ST7: variants seen among roughly 807,000 people sequenced by gnomAD.
ST7 encodes suppressor of tumorigenicity 7 protein.
In ST7, 28 loss-of-function variants were observed where a neutral mutation model predicts 78.7. The observed-to-expected ratio is 0.36, with a 90% CI of 0.26 to 0.49. The LOEUF (loss-of-function observed/expected upper bound fraction) is 0.49. Among genes scored for constraint, ST7 ranks in the 20% least tolerant of loss-of-function variants. The probability of loss-of-function intolerance (pLI) is 0.99; values close to 1 mark genes in which losing one functional copy is unlikely to be tolerated. For missense variants in ST7, 418 were observed against 696.0 expected (o/e 0.60, Z 4.49); for synonymous variants, 247 against 249.6 (o/e 0.99, Z 0.10).
chr7:117,002,711 A>C (rs1020483718), intron 1 of ST7, among the ~76,000 whole-genome samples: 1 of 151,194 alleles, frequency 6.6e-6, no homozygotes, highest in East Asian at 1.9e-4. Flanking sequence ...ACTATGAACC[A>C]CTGAATGAAG....
chr7:117,174,842 C>T (rs1044632161), intron 10 of ST7, among the ~76,000 whole-genome samples: 2 of 152,176 alleles, frequency 1.3e-5, no homozygotes, highest in African/African-American at 4.8e-5. Flanking sequence ...ACTTACAAGA[C>T]CACATTCTTA....
intron 1 of ST7, among the ~76,000 whole-genome samples, chr7:116,956,077 G>A (rs1792461608): frequency 6.6e-6 from 1 of 152,164 alleles, no homozygotes; most frequent in Admixed American, 6.5e-5. Context: ...CATTAATTTT[G>A]AGACATGAAA....
intron 1 of ST7, among the ~76,000 whole-genome samples, chr7:116,960,080 C>T (rs1042594360): frequency 2.0e-5 from 3 of 152,198 alleles, no homozygotes; most frequent in African/African-American, 4.8e-5. Flanking sequence ...GTATTACCTT[C>T]ATTTACAAAG....
intron 1 of ST7, among the ~76,000 whole-genome samples, chr7:117,050,877 C>T (rs1797752674): frequency 6.6e-6 from 1 of 151,018 alleles, no homozygotes; most frequent in South Asian, 2.1e-4. Flanking sequence ...TTGCAGTGAG[C>T]CGAGATCGAG....
At chr7:117,039,090 C>CT (rs1797069674) in intron 1 of ST7, among the ~76,000 whole-genome samples, 1 of 151,880 alleles carries the variant, frequency 6.6e-6, no homozygotes, top group Admixed American at 6.6e-5. Flanking sequence ...CTTAGGTTTT[C>CT]TTTTTTTGCA....
chr7:117,007,976 G>A (rs775666551), intron 1 of ST7, among the ~76,000 whole-genome samples: 3 of 152,162 alleles, frequency 2.0e-5, no homozygotes, highest in Admixed American at 6.5e-5. Flanking sequence ...TGTTAAAACT[G>A]TAAGAATCTG....
At chr7:117,048,601 C>G (rs1797609537) in intron 1 of ST7, among the ~76,000 whole-genome samples, 1 of 152,088 alleles carries the variant, frequency 6.6e-6, no homozygotes, top group Non-Finnish European at 1.5e-5. Context: ...CCCACCCCAC[C>G]CCACCTGCTC....
At chr7:117,118,705 G>C (rs1301432750) in intron 2 of ST7, among the ~76,000 whole-genome samples, 1 of 152,142 alleles carries the variant, frequency 6.6e-6, no homozygotes, top group South Asian at 2.1e-4. Flanking sequence ...AAAAGATGTG[G>C]GGGAGAACCG....
chr7:117,055,046 T>C (rs945099140), intron 1 of ST7, among the ~76,000 whole-genome samples: 2 of 152,182 alleles, frequency 1.3e-5, no homozygotes, highest in Non-Finnish European at 2.9e-5. Flanking sequence ...ATCAGAATTA[T>C]GTATAATAGT....
In ST7 at chr7:117,192,626, C is replaced by T. The variant is rs149546936; in HGVS notation, c.1254+1690C>T. Among the ~76,000 whole-genome samples the T allele has an allele frequency of 2.2e-3, 334 of 152,238 alleles. 10 individuals are homozygous for T. The East Asian group carries it at 0.058, about 26-fold the overall frequency. On this transcript the variant is annotated intron_variant, in intron 12 of 15. Transcript: ENST00000323984. ...GATAATGGTTGGGGGCTCCTCATAT[C>T]TAGGAACCAGATCTTTTACCGTGAT...
chr7:117,096,572 G>A (rs900670157), intron 1 of ST7, among the ~76,000 whole-genome samples: 2 of 152,182 alleles, frequency 1.3e-5, no homozygotes, highest in South Asian at 4.1e-4. Flanking sequence ...CATGAGCTTG[G>A]GGGCAGGTTG....
intron 12 of ST7, among the ~76,000 whole-genome samples, chr7:117,201,516 T>C (rs1810843596): frequency 6.6e-6 from 1 of 151,970 alleles, no homozygotes; most frequent in African/African-American, 2.4e-5. Flanking sequence ...TCCTCAGCAT[T>C]TGGTCCCACT....
Position 117,150,277 on chromosome 7 carries a change from T to C in ST7, c.963+11745T>C, listed in dbSNP as rs994124651. On this transcript the variant is annotated intron_variant, in intron 9 of 15. Coordinates refer to ENST00000323984, the MANE Select transcript of ST7 (RefSeq NM_001369598.1). ...GTCCTCAGGGATTCTGTTTCCTTTT[T>C]GTTTGAATCTCTCCCTGAAAGTATT... Among the ~76,000 whole-genome samples the C allele has an allele frequency of 5.9e-5, 9 of 152,152 alleles. 1 individual carries two copies. The highest frequency in any genetic ancestry group is 5.2e-4 in the Admixed American group (8 of 15,278).
At chr7:116,976,902 T>A (rs1793732561) in intron 1 of ST7, among the ~76,000 whole-genome samples, 1 of 152,264 alleles carries the variant, frequency 6.6e-6, no homozygotes, top group Non-Finnish European at 1.5e-5. Flanking sequence ...ATGACATTGT[T>A]ATTTTAATTT....
intron 12 of ST7, among the ~76,000 whole-genome samples, chr7:117,194,677 A>G (rs150889449): frequency 1.1e-4 from 16 of 152,360 alleles, no homozygotes; most frequent in African/African-American, 3.8e-4. Flanking sequence ...TGCTGGACAA[A>G]CAAAGGACTA....
intron 1 of ST7, among the ~76,000 whole-genome samples, chr7:117,007,831 T>C (rs189830569): frequency 2.1e-4 from 32 of 152,358 alleles, no homozygotes; most frequent in Admixed American, 1.9e-3. Context: ...TCCTCCTGCC[T>C]CTGGCAATCA....
chr7:117,114,893 T>A (rs1329427366), intron 2 of ST7, among the ~76,000 whole-genome samples: 1 of 152,208 alleles, frequency 6.6e-6, no homozygotes, highest in Non-Finnish European at 1.5e-5. Context: ...CAGGTAAATA[T>A]GAGACAAGTT....
At chr7:117,007,689 A>G (rs926438310) in intron 1 of ST7, among the ~76,000 whole-genome samples, 2 of 152,214 alleles carry the variant, frequency 1.3e-5, no homozygotes, top group African/African-American at 4.8e-5. Context: ...CCTGGCTTCA[A>G]AGCTTCACAG....
At chr7:117,152,532 C>T (rs1806371246) in intron 9 of ST7, among the ~76,000 whole-genome samples, 1 of 152,070 alleles carries the variant, frequency 6.6e-6, no homozygotes, top group Non-Finnish European at 1.5e-5. Flanking sequence ...ACTCTGCCAG[C>T]CATTCCTCCC....
Sources: gnomAD v4.1 joint callset for allele counts (sites outside exome capture counted in the v4.1 genomes callset) on GRCh38, gnomAD v4.1.1 for gene constraint, MANE v1.5 for transcripts, NCBI Gene and HGNC (gene_info 2026-07-23, HGNC 2026-07-21) for gene names.